Variants in CNTN1 observed in about 807,000 individuals in gnomAD.
The protein encoded by CNTN1 is contactin 1.
In CNTN1, 38 loss-of-function variants were observed where a neutral mutation model predicts 126.4. The ratio of observed to expected loss-of-function variants is 0.30; its 90% confidence interval spans 0.23 to 0.39. The LOEUF (loss-of-function observed/expected upper bound fraction) is 0.39. Ranked by LOEUF, CNTN1 falls within the 10% of genes least tolerant of loss-of-function variation. The pLI is 1.00. For synonymous variants in CNTN1, 413 were observed against 422.6 expected (o/e 0.98, Z 0.28); for missense variants, 1,009 against 1,248.4 (o/e 0.81, Z 2.89).
chr12:40,914,585 T>G (rs1336251892), intron 3 of CNTN1, among the ~76,000 whole-genome samples: 1 of 152,150 alleles, frequency 6.6e-6, no homozygotes, highest in Admixed American at 6.6e-5. Flanking sequence ...GAATGTGACG[T>G]GAAGTGTGTC....
Position 40,839,562 on chromosome 12 carries a change from A to G in CNTN1, c.-76-68795A>G, listed in dbSNP as rs117325918. Reference sequence around the variant, plus strand: ...TCTAGTCATCTATAAAGGGAACCCCATTAGATTAAAAGCAGATTTGTCAGT... The same window carrying G: ...TCTAGTCATCTATAAAGGGAACCCCGTTAGATTAAAAGCAGATTTGTCAGT... On this transcript the variant is annotated intron_variant, in intron 1 of 23. Transcript: ENST00000551295. 9.8e-3 allele frequency among the ~76,000 whole-genome samples: 1,492 copies of G among 152,308 alleles called. 9 individuals are homozygous for G. The highest frequency in any genetic ancestry group is 0.014 in the Non-Finnish European group (983 of 68,004).
At chr12:41,023,022 G>T (rs570824704) in intron 20 of CNTN1, among the ~76,000 whole-genome samples, 13 of 152,162 alleles carry the variant, frequency 8.5e-5, no homozygotes, top group South Asian at 2.1e-4. Context: ...ACTGTGGCCG[G>T]TAGGGGGGAG....
intron 1 of CNTN1, among the ~76,000 whole-genome samples, chr12:40,759,774 A>ATTTTTTTTTTTTTTTTT (rs33992864): frequency 2.6e-4 from 35 of 133,568 alleles, no homozygotes; most frequent in African/African-American, 9.3e-4. Flanking sequence ...TGGCCCAGAT[A>ATTTTTTTTTTTTTTTTT]TTTTTTTTTT....
chr12:40,960,272 C>G (rs1947059861), intron 15 of CNTN1, among the ~76,000 whole-genome samples: 1 of 151,768 alleles, frequency 6.6e-6, no homozygotes, highest in Non-Finnish European at 1.5e-5. Flanking sequence ...TTTCGTAGCT[C>G]TCTCTTTCTG....
At chr12:40,929,731 CTA>C (rs1945817307) in intron 6 of CNTN1, 63 bp from the exon 7 acceptor site, 1 of 1,206,264 alleles carries the variant, frequency 8.3e-7, no homozygotes, top group South Asian at 1.3e-5. Flanking sequence ...TTACTAGCCT[CTA>C]TTAAATTATG....
chr12:41,064,051 G>A (rs1949997628), intron 23 of CNTN1, among the ~76,000 whole-genome samples: 1 of 151,980 alleles, frequency 6.6e-6, no homozygotes, highest in South Asian at 2.1e-4. Flanking sequence ...GCGGGCGCCT[G>A]TAGTCCCAGC....
At chr12:40,757,123 T>C (rs899648292) in intron 1 of CNTN1, among the ~76,000 whole-genome samples, 11 of 152,090 alleles carry the variant, frequency 7.2e-5, no homozygotes, top group African/African-American at 2.7e-4. Context: ...TAACCTCATA[T>C]GGCAAAGAAA....
At chr12:40,792,567 C>G (rs1940259602) in intron 1 of CNTN1, among the ~76,000 whole-genome samples, 2 of 151,956 alleles carry the variant, frequency 1.3e-5, no homozygotes, top group South Asian at 2.1e-4. Flanking sequence ...ATAATAGATA[C>G]AGAAAGCCTT....
intron 1 of CNTN1, among the ~76,000 whole-genome samples, chr12:40,707,227 C>CTTTTCTTTTTTTTT (rs1941782316): frequency 2.7e-5 from 3 of 109,166 alleles, no homozygotes; most frequent in African/African-American, 1.2e-4. Context: ...TTTTCTTTTT[C>CTTTTCTTTTTTTTT]TTTTTTTTTT....
chr12:40,785,293 C>A (rs1939968677), intron 1 of CNTN1, among the ~76,000 whole-genome samples: 1 of 152,094 alleles, frequency 6.6e-6, no homozygotes, highest in Non-Finnish European at 1.5e-5. Context: ...ATGGTGCCAG[C>A]ATCTCCTCAG....
At chr12:40,852,346 G>T (rs1333894080) in intron 1 of CNTN1, among the ~76,000 whole-genome samples, 2 of 152,118 alleles carry the variant, frequency 1.3e-5, no homozygotes, top group Non-Finnish European at 2.9e-5. Flanking sequence ...AACGTTCAGA[G>T]AAGTTGGCTT....
chr12:40,836,899 G>A (rs1010459166), intron 1 of CNTN1, among the ~76,000 whole-genome samples: 3 of 152,080 alleles, frequency 2.0e-5, no homozygotes, highest in African/African-American at 4.8e-5. Flanking sequence ...TGGATGTTAC[G>A]CTATTACTAA....
At chr12:40,894,953 G>A (rs1944356736) in intron 1 of CNTN1, among the ~76,000 whole-genome samples, 1 of 152,082 alleles carries the variant, frequency 6.6e-6, no homozygotes, top group South Asian at 2.1e-4. Flanking sequence ...AAGAAGAGGG[G>A]AAAGAACATT....
chr12:40,854,514 G>C (rs143158270), intron 1 of CNTN1, among the ~76,000 whole-genome samples: 338 of 152,112 alleles, frequency 2.2e-3, no homozygotes, highest in African/African-American at 7.9e-3. Flanking sequence ...AAGACTCTGT[G>C]TCTCTAAACT....
intron 23 of CNTN1, among the ~76,000 whole-genome samples, chr12:41,031,169 C>T (rs976367757): frequency 6.6e-6 from 1 of 152,136 alleles, no homozygotes; most frequent in African/African-American, 2.4e-5. Flanking sequence ...GTGATGGTAA[C>T]ATCAGTTTAC....
chr12:40,962,268 C>T (rs1406858623), intron 15 of CNTN1, among the ~76,000 whole-genome samples: 1 of 151,836 alleles, frequency 6.6e-6, no homozygotes, highest in Non-Finnish European at 1.5e-5. Flanking sequence ...CGTGTGTGTG[C>T]ATGTGTGCAC....
At chr12:40,911,449 T>A (rs1945033588) in intron 3 of CNTN1, among the ~76,000 whole-genome samples, 1 of 152,224 alleles carries the variant, frequency 6.6e-6, no homozygotes, top group Non-Finnish European at 1.5e-5. Context: ...AAACCCCTGA[T>A]AAACCCATCA....
At chr12:40,822,245 C>G (rs1236663159) in intron 1 of CNTN1, among the ~76,000 whole-genome samples, 6 of 146,778 alleles carry the variant, frequency 4.1e-5, no homozygotes, top group African/African-American at 1.5e-4. Context: ...ACCCCCACCT[C>G]CCAGGTTCAA....
chr12:40,939,252 A>C, intron 11 of CNTN1, 83 bp from the exon 12 acceptor site: 1 of 1,428,350 alleles, frequency 7.0e-7, no homozygotes, highest in African/African-American at 1.4e-5. Context: ...ACTATTAAGG[A>C]GAATAAAAGA....
Sources: gnomAD v4.1 joint callset for allele counts (sites outside exome capture counted in the v4.1 genomes callset) on GRCh38, gnomAD v4.1.1 for gene constraint, MANE v1.5 for transcripts, NCBI Gene and HGNC (gene_info 2026-07-23, HGNC 2026-07-21) for gene names.